OSBPL3: variants seen among roughly 807,000 people sequenced by gnomAD.
OSBPL3 encodes the protein oxysterol-binding protein-related protein 3.
In OSBPL3, 65 loss-of-function variants were observed where a neutral mutation model predicts 120.1. The observed-to-expected ratio is 0.54, with a 90% CI of 0.44 to 0.67. OSBPL3 has a LOEUF of 0.67. OSBPL3 is among the 30% of genes least tolerant of loss of function. OSBPL3 has a pLI of 0.00. For synonymous variants in OSBPL3, 416 were observed against 402.6 expected, an observed-to-expected ratio of 1.03 and a Z score of -0.40; for missense variants, 1,004 against 1,082.1, an observed-to-expected ratio of 0.93 and a Z score of 1.01.
intron 5 of OSBPL3, among the ~76,000 whole-genome samples, chr7:24,869,439 C>G (rs886627630): frequency 6.6e-6 from 1 of 152,104 alleles, no homozygotes; most frequent in Admixed American, 6.5e-5. Flanking sequence ...TCTTTTTTAT[C>G]TTAAGATATA....
At chr7:24,949,574 A>G (rs1814139152) in intron 1 of OSBPL3, among the ~76,000 whole-genome samples, 1 of 152,154 alleles carries the variant, frequency 6.6e-6, no homozygotes, top group African/African-American at 2.4e-5. Flanking sequence ...GATTTCAGCC[A>G]TTGCCATGGC....
intron 1 of OSBPL3, among the ~76,000 whole-genome samples, chr7:24,969,981 A>G (rs1037032763): frequency 2.0e-5 from 3 of 151,994 alleles, no homozygotes; most frequent in Admixed American, 1.3e-4. Flanking sequence ...TTCCCATTAC[A>G]CAGTCCTTCT....
chr7:24,957,203 A>T lies in OSBPL3; in HGVS notation c.-150+22683T>A, dbSNP rs115758136. ...AAAGTCACATTAATCTACACTTTGC[A>T]GAGACATGGCAGAACAGACAAAAAA... On this transcript the variant is annotated intron_variant, in intron 1 of 22. Transcript: ENST00000313367. 1.1e-3 allele frequency among the ~76,000 whole-genome samples: 165 copies of T among 152,096 alleles called. 4 individuals carry two copies. The highest frequency in any genetic ancestry group is 3.2e-3 in the African/African-American group (132 of 41,486).
chr7:24,926,601 C>T (rs1396814680), intron 1 of OSBPL3, among the ~76,000 whole-genome samples: 7 of 152,168 alleles, frequency 4.6e-5, no homozygotes, highest in Non-Finnish European at 7.3e-5. Flanking sequence ...TTTGTAGCAG[C>T]CATGCCCACC....
chr7:24,924,390 A>G (rs1175269239), intron 1 of OSBPL3, among the ~76,000 whole-genome samples: 1 of 152,204 alleles, frequency 6.6e-6, no homozygotes, highest in African/African-American at 2.4e-5. Flanking sequence ...AAGATGATAT[A>G]TTACGTAAAA....
rs1296340937 is a variant in OSBPL3, at chr7:24,802,580, G to A, written c.2567+1735C>T. ...GCATTTACATGGTAATGTGTTTCCAGCAGAGCTCCACAGGCTTCGTAAGGT... is the reference window on the plus strand; with the variant it reads ...GCATTTACATGGTAATGTGTTTCCAACAGAGCTCCACAGGCTTCGTAAGGT... On this transcript the variant is annotated intron_variant, in intron 22 of 22. Coordinates refer to ENST00000313367, the MANE Select transcript of OSBPL3 (RefSeq NM_015550.4). This position sits in a 1 kb window ranked among gnomAD's most constrained non-coding sequence, Gnocchi z 4.1. 6.6e-6 allele frequency among the ~76,000 whole-genome samples: 1 copy of A among 152,170 alleles called. No homozygotes were observed. The highest frequency in any genetic ancestry group is 1.5e-5 in the Non-Finnish European group (1 of 68,036).
intron 5 of OSBPL3, among the ~76,000 whole-genome samples, chr7:24,866,675 A>C (rs183784479): frequency 6.6e-6 from 1 of 152,236 alleles, no homozygotes; most frequent in Non-Finnish European, 1.5e-5. Context: ...AAAGAAAAGG[A>C]ATGGAGAAAT....
chr7:24,842,695 G>C (rs1797936317), intron 12 of OSBPL3, among the ~76,000 whole-genome samples: 1 of 152,200 alleles, frequency 6.6e-6, no homozygotes, highest in South Asian at 2.1e-4. Context: ...CCATTTAAAA[G>C]GGGAAAAATT....
Position 24,827,971 on chromosome 7 carries a change from T to A in OSBPL3, c.1884+2797A>T, listed in dbSNP as rs1206761969. Among the ~76,000 whole-genome samples, 2 of 152,238 alleles carry A rather than the reference T, an allele frequency of 1.3e-5. No homozygotes were observed. Among genetic ancestry groups the A allele is most frequent in the Non-Finnish European group, 2.9e-5 (2 of 68,044 alleles). ...AGATATATGCCTTTCTAGTTTTCTT[T>A]CATCAAGTCATTCCTCAGCCTCCTC... is the stretch of plus-strand genomic sequence containing the variant. On this transcript the variant is annotated intron_variant, in intron 16 of 22. Transcript: ENST00000313367. The surrounding 1 kb of genome is among the most constrained non-coding windows in gnomAD (Gnocchi z 5.1).
chr7:24,926,915 A>T (rs1394698394), intron 1 of OSBPL3, among the ~76,000 whole-genome samples: 1 of 152,250 alleles, frequency 6.6e-6, no homozygotes, highest in Non-Finnish European at 1.5e-5. Flanking sequence ...ATGTAAATAA[A>T]ACCAATGTAG....
intron 14 of OSBPL3, among the ~76,000 whole-genome samples, chr7:24,839,298 T>C (rs892221217): frequency 2.6e-5 from 4 of 152,192 alleles, no homozygotes; most frequent in African/African-American, 9.6e-5. Context: ...CAGAGAACTG[T>C]TCAGGTGGGC....
Position 24,834,495 on chromosome 7 carries a change from C to T in OSBPL3, c.1737G>A (p.Leu579=), listed in dbSNP as rs747001244. Reference sequence around the variant, plus strand: ...AAGGCTGACTCCTCACCATCCTTTCCAGGGGGCTGGGAATCTGCGCGGCCT... The same window carrying T: ...AAGGCTGACTCCTCACCATCCTTTCTAGGGGGCTGGGAATCTGCGCGGCCT... ...LDKAAQIPSP[L]ERMVYVAAFA... is the part of the protein sequence containing the mutation. The change falls in exon 15 of 23, where the codon CTG becomes CTA. Residue 579 remains leucine, a synonymous_variant. Transcript: ENST00000313367. This position sits in a 1 kb window ranked among gnomAD's most constrained non-coding sequence, Gnocchi z 5.2. 1.2e-6 allele frequency: 2 copies of T among 1,609,910 alleles called. No homozygotes were observed. Among genetic ancestry groups the T allele is most frequent in the Admixed American group, 1.7e-5 (1 of 59,738 alleles).
chr7:24,847,102 T>C (rs1584355349), intron 12 of OSBPL3, among the ~76,000 whole-genome samples: 3 of 147,914 alleles, frequency 2.0e-5, no homozygotes, highest in South Asian at 2.2e-4. Context: ...GGAAACGAAG[T>C]GAGCAAAGAA....
intron 2 of OSBPL3, among the ~76,000 whole-genome samples, chr7:24,875,055 G>A (rs549560304): frequency 7.9e-5 from 12 of 152,254 alleles, no homozygotes; most frequent in Non-Finnish European, 1.6e-4. Context: ...ACAATGCCTC[G>A]GTCTTGCACA....
intron 2 of OSBPL3, among the ~76,000 whole-genome samples, chr7:24,876,967 T>C (rs1368439913): frequency 6.6e-6 from 1 of 152,212 alleles, no homozygotes; most frequent in African/African-American, 2.4e-5. Context: ...TACATGATCA[T>C]GTTTAATTCC....
chr7:24,848,600 A>T (rs1798722604), intron 12 of OSBPL3, among the ~76,000 whole-genome samples: 1 of 152,148 alleles, frequency 6.6e-6, no homozygotes, highest in African/African-American at 2.4e-5. Flanking sequence ...CTCAGAGTGT[A>T]CAGCCGCATT....
rs1805871575 is a variant in OSBPL3 at position 24,894,674 on chromosome 7, T to C, written c.-149-2053A>G. ...TACAAGCTTTGCTTTTGTTTTTTCT[T>C]TAAGGCTGAGGTTCTGTTAAACGAG... is the stretch of plus-strand genomic sequence containing the variant. On this transcript the variant is annotated intron_variant, in intron 1 of 22. Transcript: ENST00000313367. The surrounding 1 kb of genome is among the most constrained non-coding windows in gnomAD (Gnocchi z 4.1). Among the ~76,000 whole-genome samples, 1 of 152,092 alleles carries C rather than the reference T, an allele frequency of 6.6e-6. No homozygotes were observed. Among genetic ancestry groups the C allele is most frequent in the African/African-American group, 2.4e-5 (1 of 41,404 alleles).
rs75722866 is a variant in OSBPL3 at position 24,951,516 on chromosome 7, A to G, written c.-150+28370T>C. ...AAATAAAAACACTTTTAGATCCAGG[A>G]AAGAAATCTGGTTTACAAAAGCCAG... is the stretch of plus-strand genomic sequence containing the variant. On this transcript the variant is annotated intron_variant, in intron 1 of 22. Coordinates refer to ENST00000313367, the MANE Select transcript of OSBPL3 (RefSeq NM_015550.4). Among the ~76,000 whole-genome samples, 28 of 152,340 alleles carry G rather than the reference A, an allele frequency of 1.8e-4. No individual in the cohort carries two copies. The East Asian group carries it at 4.4e-3, about 24-fold the overall frequency.
At position 24,940,815 on chromosome 7, in the gene OSBPL3, T is replaced by TTC. The variant is rs1812996044; in HGVS notation, c.-150+39070_-150+39071insGA. ...CTCTTCTTAACATTTCTTCCTTTTT[T>TTC]TTCTTTTTTTTTTTGTGTGTGTGTG... On this transcript the variant is annotated intron_variant, in intron 1 of 22. Coordinates refer to ENST00000313367, the MANE Select transcript of OSBPL3 (RefSeq NM_015550.4). This position sits in a 1 kb window ranked among gnomAD's most constrained non-coding sequence, Gnocchi z 4.4. 1.2e-5 allele frequency among the ~76,000 whole-genome samples: 1 copy of TTC among 80,054 alleles called. No homozygotes were observed. The highest frequency in any genetic ancestry group is 6.3e-4 in the South Asian group (1 of 1,584). 52.5% of individuals were successfully genotyped at this position (80,054 alleles called of 152,430 possible). A position where few individuals can be genotyped will look rare whatever the true frequency, so the allele number is the denominator to read the frequency against.
Sources: allele counts gnomAD v4.1 joint callset (sites outside exome capture counted in the v4.1 genomes callset), GRCh38; gene constraint gnomAD v4.1.1; non-coding constraint Gnocchi (gnomAD v3.1); transcripts MANE v1.5; gene names NCBI Gene and HGNC (gene_info 2026-07-23, HGNC 2026-07-21).